The following COL9A1 variants were observed in gnomAD, a reference collection of about 807,000 sequenced individuals.
COL9A1 encodes collagen alpha-1(IX) chain.
In COL9A1, 104 loss-of-function variants were observed where a neutral mutation model predicts 142.6. That is an observed-to-expected ratio of 0.73 (90% CI 0.62 to 0.86). COL9A1 has a LOEUF of 0.86. COL9A1 is among the 40% of genes least tolerant of loss of function. The pLI, the probability that COL9A1 is intolerant of heterozygous loss-of-function variation, is 0.00. For missense variants in COL9A1, 1,210 were observed against 1,176.6 expected, an observed-to-expected ratio of 1.03 and a Z score of -0.42; for synonymous variants, 466 against 396.0, an observed-to-expected ratio of 1.18 and a Z score of -2.10.
At chr6:70,267,297 A>AT (rs200296500) in intron 17 of COL9A1, among the ~76,000 whole-genome samples, 1,573 of 119,284 alleles carry the variant, frequency 0.013, 101 homozygotes, top group Admixed American at 0.11. Context: ...TTCTCTGTAC[A>AT]TTTTTTGTTG....
rs138106425 is a variant in COL9A1 at position 70,274,226 on chromosome 6, G to T, written c.1030-144C>A. On this transcript the variant is annotated intron_variant, in intron 11 of 37. Coordinates refer to ENST00000357250, the MANE Select transcript of COL9A1 (RefSeq NM_001851.6). ...TTTCCAACTTTTATTTTAAGTTCAG[G>T]GGTACATGTGCAGGATGTGCAGGTT... The T allele has an allele frequency of 4.0e-3, 2,185 of 549,696 alleles. 36 individuals are homozygous for T. The highest frequency in any genetic ancestry group is 0.038 in the African/African-American group (1,905 of 50,276). 34.1% of individuals were successfully genotyped at this position (549,696 alleles called of 1,614,324 possible). A position where few individuals can be genotyped will look rare whatever the true frequency, so the allele number is the denominator to read the frequency against.
At chr6:70,226,485 T>C (rs1402619822) in intron 36 of COL9A1, among the ~76,000 whole-genome samples, 1 of 152,114 alleles carries the variant, frequency 6.6e-6, no homozygotes, top group Non-Finnish European at 1.5e-5. Flanking sequence ...CTTAAAACTC[T>C]AGAAAGTTAA....
chr6:70,215,417 C>A (rs1009426471), downstream of COL9A1: 2 of 151,984 alleles, frequency 1.3e-5, no homozygotes, highest in Non-Finnish European at 2.9e-5. Context: ...TTAGGGCTCA[C>A]TCTCCTTTGA....
intron 18 of COL9A1, among the ~76,000 whole-genome samples, chr6:70,265,007 T>C (rs1449812886): frequency 6.6e-6 from 1 of 152,100 alleles, no homozygotes; most frequent in East Asian, 1.9e-4. Context: ...TGCAATGAGC[T>C]ATGGCCATCC....
rs1020551450 is a variant in COL9A1 at position 70,299,935 on chromosome 6, T to C, written c.299+108A>G. ...TAAATTTCTTCATCTTTAAATACAA[T>C]TATAATCCAAGAAACATTGATCATA... is the stretch of plus-strand genomic sequence containing the variant. On this transcript the variant is annotated intron_variant, in intron 4 of 37. Transcript: ENST00000357250. 8 of 1,096,700 alleles carry C rather than the reference T, an allele frequency of 7.3e-6. No individual in the cohort carries two copies. The African/African-American group carries it at 1.3e-4, about 17-fold the overall frequency. The allele number at this position is 1,096,700 out of a possible 1,614,324, so 67.9% of individuals were successfully genotyped here.
In COL9A1 at chr6:70,242,657, CT is replaced by C; in HGVS notation, c.1926+4del. Reference sequence around the variant, plus strand: ...AAGGCAAATAAACGAAACTTTTCTACTTACCAGTTTACCTGGTAGGCCTGGG... The same window carrying C: ...AAGGCAAATAAACGAAACTTTTCTACTACCAGTTTACCTGGTAGGCCTGGG... On this transcript the variant is annotated splice_donor_region_variant and intron_variant, in intron 29 of 37. Coordinates refer to ENST00000357250, the MANE Select transcript of COL9A1 (RefSeq NM_001851.6). 1 of 1,613,852 alleles carries C rather than the reference CT, an allele frequency of 6.2e-7. No individual in the cohort carries two copies. Among genetic ancestry groups the C allele is most frequent in the Non-Finnish European group, 8.5e-7 (1 of 1,179,738 alleles).
intron 28 of COL9A1, among the ~76,000 whole-genome samples, chr6:70,245,272 A>G (rs951893796): frequency 2.0e-5 from 3 of 152,260 alleles, no homozygotes; most frequent in Non-Finnish European, 4.4e-5. Flanking sequence ...TAAGATGAAC[A>G]TAAATAATCA....
At chr6:70,275,308 C>G (rs1772685452) in intron 10 of COL9A1, 1 of 152,956 alleles carries the variant, frequency 6.5e-6, no homozygotes, top group Non-Finnish European at 1.5e-5. Context: ...CTAACAGCCC[C>G]CTAGCCATCT....
At chr6:70,248,822 CA>C (rs1445165952) in intron 28 of COL9A1, among the ~76,000 whole-genome samples, 2 of 152,188 alleles carry the variant, frequency 1.3e-5, no homozygotes, top group African/African-American at 4.8e-5. Context: ...ACATGACTGG[CA>C]CCTTCTGCAG....
intron 36 of COL9A1, among the ~76,000 whole-genome samples, chr6:70,229,378 G>A (rs1769411019): frequency 6.6e-6 from 1 of 152,120 alleles, no homozygotes; most frequent in African/African-American, 2.4e-5. Context: ...TGTAAAATAA[G>A]CTTTAGGTAA....
intron 18 of COL9A1, among the ~76,000 whole-genome samples, chr6:70,264,074 T>C (rs1259959827): frequency 6.6e-6 from 1 of 151,990 alleles, no homozygotes; most frequent in East Asian, 1.9e-4. Context: ...CTCTAAACTT[T>C]GATTCTGCTC....
chr6:70,224,805 A>G (rs916167103), intron 37 of COL9A1, among the ~76,000 whole-genome samples: 2 of 152,232 alleles, frequency 1.3e-5, no homozygotes, highest in African/African-American at 4.8e-5. Context: ...ATTTCCAATT[A>G]TAAAAATTTA....
intron 4 of COL9A1, among the ~76,000 whole-genome samples, chr6:70,294,936 G>A (rs1248878853): frequency 6.6e-6 from 1 of 152,202 alleles, no homozygotes; most frequent in Admixed American, 6.5e-5. Flanking sequence ...TCATTCACAA[G>A]TGAGAGAGGA....
chr6:70,222,005 T>G (rs1002332369), intron 37 of COL9A1, among the ~76,000 whole-genome samples: 24 of 152,190 alleles, frequency 1.6e-4, no homozygotes, highest in African/African-American at 5.3e-4. Context: ...TCAATTCACA[T>G]GTCTAGGTTG....
At chr6:70,276,660 G>C (rs1313359031) in intron 10 of COL9A1, among the ~76,000 whole-genome samples, 1 of 152,158 alleles carries the variant, frequency 6.6e-6, no homozygotes, top group Non-Finnish European at 1.5e-5. Context: ...GCTCCATGAG[G>C]ACAAGAGTCA....
chr6:70,281,828 C>T (rs1773185592), intron 7 of COL9A1, among the ~76,000 whole-genome samples: 2 of 152,286 alleles, frequency 1.3e-5, no homozygotes, highest in Middle Eastern at 3.4e-3. Flanking sequence ...CATTCGATAC[C>T]TCGATTTATC....
At chr6:70,251,973 A>G in intron 28 of COL9A1, 147 bp downstream of exon 28, 1 of 898,630 alleles carries the variant, frequency 1.1e-6, no homozygotes, top group Non-Finnish European at 1.9e-6. Context: ...CTGTGCATCT[A>G]AATAGCATTT....
intron 36 of COL9A1, 118 bp from the exon 37 acceptor site, chr6:70,226,127 A>G: frequency 1.1e-6 from 1 of 875,336 alleles, no homozygotes; most frequent in Non-Finnish European, 1.8e-6. Flanking sequence ...ATTGCCATAA[A>G]CTAGATTGTA....
chr6:70,227,754 A>G (rs555452695), intron 36 of COL9A1, among the ~76,000 whole-genome samples: 2 of 152,264 alleles, frequency 1.3e-5, no homozygotes, highest in African/African-American at 4.8e-5. Flanking sequence ...ATGTCCATTA[A>G]AAGGTTAAAG....
Sources: gnomAD v4.1 joint callset for allele counts (sites outside exome capture counted in the v4.1 genomes callset) on GRCh38, gnomAD v4.1.1 for gene constraint, MANE v1.5 for transcripts, NCBI Gene and HGNC (gene_info 2026-07-23, HGNC 2026-07-21) for gene names.